GALNTL6: variants seen among roughly 807,000 people sequenced by gnomAD.
The protein encoded by GALNTL6 is polypeptide N-acetylgalactosaminyltransferase-like 6.
A neutral mutation model predicts 73.7 loss-of-function variants in GALNTL6; 46 were observed. The ratio of observed to expected loss-of-function variants is 0.62; its 90% CI spans 0.49 to 0.80. The LOEUF (loss-of-function observed/expected upper bound fraction) is 0.80, where lower values mean the gene tolerates loss of function less well. Among genes scored for constraint, GALNTL6 ranks in the 30% least tolerant of loss-of-function variants. The pLI is 0.00. For missense variants in GALNTL6, 604 were observed against 755.0 expected (o/e 0.80, Z 2.34); for synonymous variants, 259 against 263.7 (o/e 0.98, Z 0.17).
chr4:172,418,933 A>G (rs900824553), intron 5 of GALNTL6, among the ~76,000 whole-genome samples: 1 of 72,460 alleles, frequency 1.4e-5, no homozygotes, highest in Admixed American at 1.6e-4. Flanking sequence ...TTTAAAAAGT[A>G]GTTTTCTACG....
rs773539514 is a variant in GALNTL6 at position 172,813,748 on chromosome 4, C to G, written c.923+25C>G. On this transcript the variant is annotated intron_variant, in intron 7 of 12. Coordinates refer to ENST00000506823, the MANE Select transcript of GALNTL6 (RefSeq NM_001034845.3). ...AGTGAGTAGCAGCCAAGGGAGGGGC[C>G]GAGGGGGTGAGGGCAGGTAACTCAT... is the stretch of plus-strand genomic sequence containing the variant. 5.1e-6 allele frequency: 8 copies of G among 1,566,844 alleles called. No homozygotes were observed. In the East Asian group the frequency reaches 6.8e-5, roughly 13 times the overall value.
rs1488599864 is a variant in GALNTL6, at chr4:172,198,879, T to C, written c.139-30777T>C. 2.6e-5 allele frequency among the ~76,000 whole-genome samples: 4 copies of C among 152,344 alleles called. No homozygotes were observed. The East Asian group carries it at 5.8e-4, about 22-fold the overall frequency. Reference sequence around the variant, plus strand: ...CTACTATAATTCCCAAAATGTATTTTTTTTTAAATTTTGGCTATTTAGTAC... The same window carrying C: ...CTACTATAATTCCCAAAATGTATTTCTTTTTAAATTTTGGCTATTTAGTAC... On this transcript the variant is annotated intron_variant, in intron 2 of 12. Coordinates refer to ENST00000506823, the MANE Select transcript of GALNTL6 (RefSeq NM_001034845.3).
chr4:172,523,257 C>T (rs1185518874), intron 5 of GALNTL6, among the ~76,000 whole-genome samples: 1 of 152,216 alleles, frequency 6.6e-6, no homozygotes, highest in East Asian at 1.9e-4. Flanking sequence ...TGAGCAGACA[C>T]TCAGACCTGG....
intron 5 of GALNTL6, among the ~76,000 whole-genome samples, chr4:172,609,116 T>A (rs112545636): frequency 0.031 from 4,714 of 152,222 alleles, 111 homozygotes; most frequent in South Asian, 0.087. Flanking sequence ...TCCTATTTTG[T>A]TGCCTTTTTA....
At chr4:172,149,986 C>A (rs1734034676) in intron 2 of GALNTL6, among the ~76,000 whole-genome samples, 1 of 152,186 alleles carries the variant, frequency 6.6e-6, no homozygotes, top group South Asian at 2.1e-4. Context: ...GAACCTGGTC[C>A]TGTGACTAGC....
intron 2 of GALNTL6, among the ~76,000 whole-genome samples, chr4:171,908,954 T>C (rs1192241949): frequency 6.0e-4 from 75 of 124,550 alleles, no homozygotes; most frequent in African/African-American, 2.3e-3. Flanking sequence ...TGAGAACACA[T>C]GGACACAGGA....
At position 172,699,622 on chromosome 4, in the gene GALNTL6, A is replaced by G. The variant is rs550645510; in HGVS notation, c.554-109739A>G. ...CTTATGTGAAGAACAGAAATGCCAT[A>G]ACCTCAAATCCTCACTAAGTCCAGG... is the stretch of plus-strand genomic sequence containing the variant. On this transcript the variant is annotated intron_variant, in intron 5 of 12. Transcript: ENST00000506823. Among the ~76,000 whole-genome samples the G allele has an allele frequency of 2.6e-5, 4 of 152,302 alleles. No homozygotes were observed. The South Asian group carries it at 8.3e-4, about 32-fold the overall frequency.
At chr4:172,474,992 G>GA (rs1394175589) in intron 5 of GALNTL6, among the ~76,000 whole-genome samples, 1 of 152,158 alleles carries the variant, frequency 6.6e-6, no homozygotes, top group Non-Finnish European at 1.5e-5. Context: ...AATCATAATT[G>GA]GATAGCTGTG....
intron 5 of GALNTL6, among the ~76,000 whole-genome samples, chr4:172,432,048 T>A (rs1731476781): frequency 6.6e-6 from 1 of 152,178 alleles, no homozygotes; most frequent in South Asian, 2.1e-4. Flanking sequence ...GTGTGATTTT[T>A]AAAAAATAAA....
chr4:172,786,441 A>G (rs1739657582), intron 5 of GALNTL6, among the ~76,000 whole-genome samples: 1 of 152,204 alleles, frequency 6.6e-6, no homozygotes, highest in Admixed American at 6.6e-5. Context: ...GTGTCATGCC[A>G]TGGAAGGGAA....
chr4:172,841,046 G>C (rs534381989), intron 7 of GALNTL6, among the ~76,000 whole-genome samples: 44 of 152,202 alleles, frequency 2.9e-4, no homozygotes, highest in South Asian at 6.2e-4. Flanking sequence ...CCTTCCATAG[G>C]TCTTCATTCC....
At chr4:172,001,447 TC>T (rs1740668727) in intron 2 of GALNTL6, among the ~76,000 whole-genome samples, 1 of 152,150 alleles carries the variant, frequency 6.6e-6, no homozygotes, top group South Asian at 2.1e-4. Flanking sequence ...AGAACTTGCT[TC>T]ATGATAAAAT....
At chr4:172,307,053 G>T (rs1740164793) in intron 3 of GALNTL6, among the ~76,000 whole-genome samples, 1 of 152,126 alleles carries the variant, frequency 6.6e-6, no homozygotes, top group Admixed American at 6.6e-5. Flanking sequence ...TTTCCATAGT[G>T]GTTGTACTAG....
At chr4:172,663,587 G>C (rs1731495963) in intron 5 of GALNTL6, among the ~76,000 whole-genome samples, 1 of 152,178 alleles carries the variant, frequency 6.6e-6, no homozygotes, top group Admixed American at 6.5e-5. Context: ...GGTGGTTTCT[G>C]TATCAGGTTT....
intron 2 of GALNTL6, among the ~76,000 whole-genome samples, chr4:171,928,677 T>C (rs1738069498): frequency 2.6e-5 from 4 of 152,216 alleles, no homozygotes; most frequent in African/African-American, 9.6e-5. Flanking sequence ...AAGATTATAA[T>C]ACCGTATTTT....
At chr4:171,836,453 T>C (rs1735097508) in intron 2 of GALNTL6, among the ~76,000 whole-genome samples, 1 of 152,056 alleles carries the variant, frequency 6.6e-6, no homozygotes, top group Middle Eastern at 3.2e-3. Flanking sequence ...TATGAAAGAA[T>C]AGAATGATAA....
chr4:172,347,124 G>A (rs868506136), intron 4 of GALNTL6, among the ~76,000 whole-genome samples: 1 of 151,656 alleles, frequency 6.6e-6, no homozygotes. Context: ...TGAGTAGCTA[G>A]GATGACAGGC....
rs1009997174 is a variant in GALNTL6 at position 172,653,469 on chromosome 4, C to T, written c.554-155892C>T. ...CTCCTGACCTCAGGTGATCTGCCCG[C>T]CTCGGCCTCCCAAAGTGCTGGGATT... On this transcript the variant is annotated intron_variant, in intron 5 of 12. Coordinates refer to ENST00000506823, the MANE Select transcript of GALNTL6 (RefSeq NM_001034845.3). 2.0e-5 allele frequency among the ~76,000 whole-genome samples: 3 copies of T among 152,138 alleles called. No homozygotes were observed. In the South Asian group the frequency reaches 6.2e-4, roughly 32 times the overall value.
intron 5 of GALNTL6, among the ~76,000 whole-genome samples, chr4:172,484,136 A>G (rs1401154191): frequency 6.6e-6 from 1 of 152,190 alleles, no homozygotes; most frequent in Non-Finnish European, 1.5e-5. Flanking sequence ...TCCTTTTCAT[A>G]TTACTTAGCT....
Sources: allele counts gnomAD v4.1 joint callset (sites outside exome capture counted in the v4.1 genomes callset), GRCh38; gene constraint gnomAD v4.1.1; transcripts MANE v1.5; gene names NCBI Gene and HGNC (gene_info 2026-07-23, HGNC 2026-07-21).